The following AGBL4 variants were observed in gnomAD, a reference collection of about 807,000 sequenced individuals.
AGBL4 encodes AGBL carboxypeptidase 4, also known as cytosolic carboxypeptidase 6.
Under a neutral mutation model 66.4 loss-of-function variants are expected in AGBL4, and 58 were observed. That is an observed-to-expected ratio of 0.87 (90% confidence interval 0.71 to 1.09). The LOEUF (loss-of-function observed/expected upper bound fraction) is 1.09, where lower values mean the gene tolerates loss of function less well. Ranked by LOEUF, AGBL4 falls within the 50% of genes least tolerant of loss-of-function variation. The probability of loss-of-function intolerance (pLI) is 0.00; values close to 1 mark genes in which losing one functional copy is unlikely to be tolerated. For missense variants in AGBL4, 579 were observed against 631.0 expected (o/e 0.92, Z 0.88); for synonymous variants, 234 against 222.9 (o/e 1.05, Z -0.44).
At chr1:48,729,773 C>T (rs1180393760) in intron 6 of AGBL4, among the ~76,000 whole-genome samples, 1 of 147,596 alleles carries the variant, frequency 6.8e-6, no homozygotes, top group African/African-American at 2.7e-5. Context: ...TTCTTTCCAC[C>T]GAGAAGGGTT....
intron 4 of AGBL4, among the ~76,000 whole-genome samples, chr1:49,169,183 G>A (rs955792916): frequency 1.1e-4 from 17 of 152,266 alleles, no homozygotes; most frequent in African/African-American, 3.8e-4. Context: ...ATAAGAGAAA[G>A]TATAATACTA....
At chr1:49,025,655 C>A (rs1663606188) in intron 5 of AGBL4, 1 of 152,130 alleles carries the variant, frequency 6.6e-6, no homozygotes, top group African/African-American at 2.4e-5. Context: ...AAAGTGTGAC[C>A]ATACCCAAAG....
Position 49,936,171 on chromosome 1 carries a change from C to T in AGBL4, c.35-84653G>A, listed in dbSNP as rs1290860322. 3.3e-5 allele frequency among the ~76,000 whole-genome samples: 5 copies of T among 152,012 alleles called. No homozygotes were observed. The South Asian group carries it at 8.3e-4, about 25-fold the overall frequency. ...GCTGATGGAGCTGAAAGCCGAGGCT[C>T]GAGAACTACGTGAAGAATGCAGAAG... On this transcript the variant is annotated intron_variant, in intron 1 of 13. Coordinates refer to ENST00000371839, the MANE Select transcript of AGBL4 (RefSeq NM_032785.4).
intron 3 of AGBL4, among the ~76,000 whole-genome samples, chr1:49,382,473 GAA>G (rs755215792): frequency 1.3e-5 from 2 of 150,334 alleles, no homozygotes; most frequent in Admixed American, 6.7e-5. Flanking sequence ...CTTTCATGAT[GAA>G]AAAAAAAGTC....
chr1:49,443,820 T>C (rs1370920834), intron 3 of AGBL4, among the ~76,000 whole-genome samples: 1 of 151,166 alleles, frequency 6.6e-6, no homozygotes, highest in Non-Finnish European at 1.5e-5. Context: ...TTTGGGTTTG[T>C]TCTTGCTTTT....
chr1:49,935,321 A>G (rs1023330141), intron 1 of AGBL4, among the ~76,000 whole-genome samples: 6 of 152,218 alleles, frequency 3.9e-5, no homozygotes, highest in Admixed American at 1.3e-4. Context: ...AGATAAACAA[A>G]GCAGCCGGGA....
At chr1:49,192,530 C>G (rs1346636489) in intron 4 of AGBL4, among the ~76,000 whole-genome samples, 1 of 152,210 alleles carries the variant, frequency 6.6e-6, no homozygotes, top group East Asian at 1.9e-4. Context: ...AACTCCTGAC[C>G]TCAGGTGATC....
chr1:49,072,499 GA>G (rs1346167984), intron 4 of AGBL4, among the ~76,000 whole-genome samples: 1 of 152,156 alleles, frequency 6.6e-6, no homozygotes, highest in African/African-American at 2.4e-5. Flanking sequence ...CTTCACTTAT[GA>G]AGCTTAGTTT....
At chr1:49,287,035 A>G (rs1250440846) in intron 3 of AGBL4, among the ~76,000 whole-genome samples, 1 of 151,252 alleles carries the variant, frequency 6.6e-6, no homozygotes, top group Non-Finnish European at 1.5e-5. Context: ...ATGGAACAGA[A>G]CAGAGCCCTC....
chr1:49,750,422 G>C (rs887529612), intron 2 of AGBL4, among the ~76,000 whole-genome samples: 12 of 152,106 alleles, frequency 7.9e-5, no homozygotes, highest in Non-Finnish European at 4.4e-5. Context: ...TGTTATTTCT[G>C]AGGCTTCTGT....
intron 6 of AGBL4, among the ~76,000 whole-genome samples, chr1:48,676,971 C>T (rs1054900905): frequency 2.6e-5 from 4 of 152,042 alleles, no homozygotes; most frequent in Non-Finnish European, 2.9e-5. Context: ...TGAGCTTGGC[C>T]CAGGCTCTCT....
At chr1:49,657,811 A>G (rs1646176743) in intron 3 of AGBL4, among the ~76,000 whole-genome samples, 2 of 152,320 alleles carry the variant, frequency 1.3e-5, no homozygotes, top group South Asian at 4.1e-4. Context: ...CCATATGTAG[A>G]AAGCTGAAAC....
chr1:49,549,184 T>C (rs1652748309), intron 3 of AGBL4, among the ~76,000 whole-genome samples: 1 of 152,114 alleles, frequency 6.6e-6, no homozygotes, highest in African/African-American at 2.4e-5. Context: ...TTTCTCTCTT[T>C]TCTTGGTTAA....
chr1:49,238,605 TG>T (rs1211143547), intron 4 of AGBL4, among the ~76,000 whole-genome samples: 1 of 151,826 alleles, frequency 6.6e-6, no homozygotes, highest in Admixed American at 6.6e-5. Flanking sequence ...TATTGGGGAG[TG>T]GGGTGGTGGC....
In AGBL4 at chr1:49,466,991, G is replaced by A. The variant is rs186865561; in HGVS notation, c.283-221127C>T. Among the ~76,000 whole-genome samples the A allele has an allele frequency of 1.1e-3, 173 of 151,856 alleles. 2 individuals carry two copies. The highest frequency in any genetic ancestry group is 9.3e-4 in the Non-Finnish European group (63 of 67,842). On this transcript the variant is annotated intron_variant, in intron 3 of 13. Coordinates refer to ENST00000371839, the MANE Select transcript of AGBL4 (RefSeq NM_032785.4). ...GAGAAAAAAATCTGATGACATACAG[G>A]AGTAATCCCATTAAATCTTAAGAAA...
intron 3 of AGBL4, among the ~76,000 whole-genome samples, chr1:49,279,385 G>A (rs382328): frequency 0.017 from 2,620 of 152,192 alleles, 68 homozygotes; most frequent in African/African-American, 0.05. Flanking sequence ...GTTGAAAAAT[G>A]AGAAAAATCA....
chr1:48,785,226 G>C (rs1196059099), intron 6 of AGBL4, among the ~76,000 whole-genome samples: 6 of 152,064 alleles, frequency 3.9e-5, no homozygotes, highest in Admixed American at 3.9e-4. Context: ...TTCTATTATG[G>C]TCTATCTCTG....
At chr1:49,126,841 T>C (rs1645774859) in intron 4 of AGBL4, among the ~76,000 whole-genome samples, 1 of 152,148 alleles carries the variant, frequency 6.6e-6, no homozygotes, top group Admixed American at 6.6e-5. Context: ...GTTTTATCTT[T>C]ATATCAAAAA....
At chr1:49,179,078 T>G (rs1165069824) in intron 4 of AGBL4, among the ~76,000 whole-genome samples, 1 of 152,220 alleles carries the variant, frequency 6.6e-6, no homozygotes, top group African/African-American at 2.4e-5. Context: ...AAATTGAGGC[T>G]TTCATTATTA....
Sources: gnomAD v4.1 joint callset for allele counts (sites outside exome capture counted in the v4.1 genomes callset) on GRCh38, gnomAD v4.1.1 for gene constraint, MANE v1.5 for transcripts, NCBI Gene and HGNC (gene_info 2026-07-23, HGNC 2026-07-21) for gene names.